The following ERCC6L2 variants were observed in gnomAD, a reference collection of about 807,000 sequenced individuals.
The protein encoded by ERCC6L2 is DNA excision repair protein ERCC-6-like 2.
In ERCC6L2, 77 loss-of-function variants were observed where a neutral mutation model predicts 132.0. That is an observed-to-expected ratio of 0.58 (90% CI 0.49 to 0.71). The LOEUF is 0.71. Ranked by LOEUF, ERCC6L2 falls within the 30% of genes least tolerant of loss-of-function variation. ERCC6L2 has a pLI of 0.00. For missense variants in ERCC6L2, 1,542 were observed against 1,837.6 expected, an observed-to-expected ratio of 0.84 and a Z score of 2.94; for synonymous variants, 583 against 632.4, an observed-to-expected ratio of 0.92 and a Z score of 1.17.
At chr9:95,971,204 T>A (rs940008527) in intron 15 of ERCC6L2, among the ~76,000 whole-genome samples, 3 of 152,120 alleles carry the variant, frequency 2.0e-5, no homozygotes, top group Admixed American at 6.6e-5. Context: ...TTTAGAGTCT[T>A]AACTATCAAT....
chr9:95,998,826 A>G (rs1319456666), intron 17 of ERCC6L2, among the ~76,000 whole-genome samples: 2 of 152,212 alleles, frequency 1.3e-5, no homozygotes, highest in South Asian at 2.1e-4. Context: ...TATGGCAGCA[A>G]TAGGAAACTA....
chr9:95,915,951 A>G (rs1036323569), intron 5 of ERCC6L2, 122 bp downstream of exon 5: 3 of 1,001,030 alleles, frequency 3.0e-6, no homozygotes, highest in Non-Finnish European at 4.3e-6. Context: ...GATGTGTTTG[A>G]TCCCAGATGT....
chr9:95,979,886 G>T (rs1832823147), intron 17 of ERCC6L2, among the ~76,000 whole-genome samples: 1 of 151,476 alleles, frequency 6.6e-6, no homozygotes, highest in Non-Finnish European at 1.5e-5. Context: ...TTTTTATTAG[G>T]TTTTTTTTTA....
At chr9:96,004,229 C>T (rs1265300477) in intron 17 of ERCC6L2, among the ~76,000 whole-genome samples, 1 of 152,090 alleles carries the variant, frequency 6.6e-6, no homozygotes, top group East Asian at 1.9e-4. Context: ...AATTTTTATC[C>T]TTCTTTGGTA....
intron 18 of ERCC6L2, 188 bp downstream of exon 18, chr9:96,004,889 A>G (rs1426690009): frequency 2.9e-6 from 1 of 350,746 alleles, no homozygotes; most frequent in African/African-American, 2.1e-5. Flanking sequence ...TGAATTGATT[A>G]CCATAAAAAG....
intron 17 of ERCC6L2, among the ~76,000 whole-genome samples, chr9:95,982,950 A>G (rs1422882931): frequency 1.3e-5 from 2 of 152,216 alleles, no homozygotes; most frequent in Non-Finnish European, 2.9e-5. Flanking sequence ...CCACACAGTG[A>G]TGATACCAGG....
At position 95,972,375 on chromosome 9, in the gene ERCC6L2, C is replaced by G. The variant is rs1197143147; in HGVS notation, c.2624C>G (p.Ser875Cys). 7.8e-7 allele frequency: 1 copy of G among 1,279,408 alleles called. No individual in the cohort carries two copies. 79.3% of individuals were successfully genotyped at this position (1,279,408 alleles called of 1,614,324 possible). ...KSEKILEQNISSKSDEKKIKN... is the reference protein window; with the variant it reads ...KSEKILEQNICSKSDEKKIKN... ...GAGAAGATTTTAGAACAGAATATTTCTTCCAAGTCTGACGAGAAAAAAATT... is the reference window on the plus strand; with the variant it reads ...GAGAAGATTTTAGAACAGAATATTTGTTCCAAGTCTGACGAGAAAAAAATT... Residue 875 changes from serine (S) to cysteine (C), a missense_variant, in exon 16 of 19, where the codon TCT (serine) becomes TGT (cysteine). Around this residue, in one of 4 missense-constraint regions of ERCC6L2, gnomAD observed 945 missense variants for 1,105.2 expected, o/e 0.86. Coordinates refer to ENST00000653738, the MANE Select transcript of ERCC6L2 (RefSeq NM_020207.7).
At chr9:95,945,835 A>G (rs1831033406) in intron 12 of ERCC6L2, among the ~76,000 whole-genome samples, 1 of 152,212 alleles carries the variant, frequency 6.6e-6, no homozygotes. Flanking sequence ...CTCAGAAAGC[A>G]TGACCAATGA....
intron 1 of ERCC6L2, among the ~76,000 whole-genome samples, chr9:95,878,379 C>T (rs1827401893): frequency 6.6e-6 from 1 of 152,084 alleles, no homozygotes; most frequent in Admixed American, 6.5e-5. Flanking sequence ...GAAGTAGAAC[C>T]AGGATATTCT....
intron 2 of ERCC6L2, among the ~76,000 whole-genome samples, chr9:95,882,217 T>C (rs1203449975): frequency 1.3e-5 from 2 of 152,218 alleles, no homozygotes; most frequent in Non-Finnish European, 2.9e-5. Flanking sequence ...TCATAGTCTT[T>C]GGTGATGTAA....
chr9:95,900,305 A>C (rs1587867542), intron 3 of ERCC6L2, among the ~76,000 whole-genome samples: 1 of 151,964 alleles, frequency 6.6e-6, no homozygotes, highest in East Asian at 1.9e-4. Flanking sequence ...AGAGAATCGC[A>C]TGAGCCCAGG....
Position 95,875,952 on chromosome 9 carries a change from C to T in ERCC6L2, c.-87C>T. 6.9e-6 allele frequency: 10 copies of T among 1,446,120 alleles called. No homozygotes were observed. Among genetic ancestry groups the T allele is most frequent in the Middle Eastern group, 3.9e-4 (2 of 5,122 alleles). The allele number at this position is 1,446,120 out of a possible 1,614,324, so 89.6% of individuals were successfully genotyped here. A position where few individuals can be genotyped will look rare whatever the true frequency, so the allele number is the denominator to read the frequency against. ...GGCGGCCGGAAGTGGCGTTGGCCGC[C>T]ATTGGCCTGCCGGCCAGCCACCTTG... On this transcript the variant is annotated 5_prime_UTR_variant, in exon 1 of 19. Transcript: ENST00000653738.
Position 96,003,763 on chromosome 9 carries a change from C to T in ERCC6L2, c.3493-757C>T, listed in dbSNP as rs543571324. On this transcript the variant is annotated intron_variant, in intron 17 of 18. Transcript: ENST00000653738. Reference sequence around the variant, plus strand: ...TTGGGGCACCTAGACATTCTGCTTTCTTACTTTTGAGCTCCAGTGTAATTT... The same window carrying T: ...TTGGGGCACCTAGACATTCTGCTTTTTTACTTTTGAGCTCCAGTGTAATTT... Among the ~76,000 whole-genome samples the T allele has an allele frequency of 5.3e-5, 8 of 152,326 alleles. No homozygotes were observed. The South Asian group carries it at 1.4e-3, about 28-fold the overall frequency.
At chr9:95,909,671 T>C (rs1281272395) in intron 4 of ERCC6L2, among the ~76,000 whole-genome samples, 1 of 152,238 alleles carries the variant, frequency 6.6e-6, no homozygotes, top group Non-Finnish European at 1.5e-5. Flanking sequence ...TTCCATTTCA[T>C]CAATATTCAC....
chr9:95,925,284 C>T (rs1486833868), intron 9 of ERCC6L2, among the ~76,000 whole-genome samples: 1 of 152,148 alleles, frequency 6.6e-6, no homozygotes, highest in African/African-American at 2.4e-5. Context: ...CTTCACTTTT[C>T]TTTCTCTTGA....
At chr9:96,006,880 C>T (rs1238561796) in intron 18 of ERCC6L2, among the ~76,000 whole-genome samples, 1 of 151,982 alleles carries the variant, frequency 6.6e-6, no homozygotes, top group African/African-American at 2.4e-5. Context: ...TTAATGGGAC[C>T]AGAATTTCTG....
chr9:95,917,548 A>G (rs1295926107), intron 6 of ERCC6L2, among the ~76,000 whole-genome samples: 1 of 152,242 alleles, frequency 6.6e-6, no homozygotes, highest in African/African-American at 2.4e-5. Flanking sequence ...ATTTATCTAA[A>G]GCAAATATTG....
At chr9:96,024,395 A>G (rs968006078) in intron 19 of ERCC6L2, among the ~76,000 whole-genome samples, 2 of 152,262 alleles carry the variant, frequency 1.3e-5, no homozygotes, top group African/African-American at 4.8e-5. Context: ...GAGAGACCTC[A>G]ACTTGCTTTC....
chr9:95,900,395 A>AG (rs1828710251), intron 3 of ERCC6L2, among the ~76,000 whole-genome samples: 1 of 152,124 alleles, frequency 6.6e-6, no homozygotes, highest in African/African-American at 2.4e-5. Context: ...TCAAAAAAAA[A>AG]AAAAGTTCCT....
Sources: gnomAD v4.1 joint callset for allele counts (sites outside exome capture counted in the v4.1 genomes callset) on GRCh38, gnomAD v4.1.1 for gene constraint, gnomAD v4.1.1 regional missense constraint, MANE v1.5 for transcripts, NCBI Gene and HGNC (gene_info 2026-07-23, HGNC 2026-07-21) for gene names.